The following SORT1 variants were observed in gnomAD, a reference collection of about 807,000 sequenced individuals.
SORT1 encodes sortilin.
In SORT1, 39 loss-of-function variants were observed where a neutral mutation model predicts 101.7. That is an observed-to-expected ratio of 0.38 (90% CI 0.30 to 0.50). The LOEUF is 0.50. SORT1 is among the 20% of genes least tolerant of loss of function. SORT1 has a pLI of 0.90. For missense variants in SORT1, 878 were observed against 1,040.4 expected (o/e 0.84, Z 2.15); for synonymous variants, 396 against 393.7 (o/e 1.01, Z -0.07).
rs1029497046 is a variant in SORT1, at chr1:109,313,693, A to AT, written c.*349_*350insA. On this transcript the variant is annotated 3_prime_UTR_variant, in exon 20 of 20. Coordinates refer to ENST00000256637, the MANE Select transcript of SORT1 (RefSeq NM_002959.7). ...ATGCCCTGGGGCAGGCGCCATGCAGAACACACAGAAGTGGGGTTAGTGAAA... is the reference window on the plus strand; with the variant it reads ...ATGCCCTGGGGCAGGCGCCATGCAGATACACACAGAAGTGGGGTTAGTGAAA... 10 of 308,228 alleles carry AT rather than the reference A, an allele frequency of 3.2e-5. No individual in the cohort carries two copies. The highest frequency in any genetic ancestry group is 2.0e-4 in the African/African-American group (9 of 45,644). 19.1% of individuals were successfully genotyped at this position (308,228 alleles called of 1,614,324 possible).
chr1:109,381,087 G>A (rs1652199433), intron 1 of SORT1, among the ~76,000 whole-genome samples: 3 of 152,130 alleles, frequency 2.0e-5, no homozygotes, highest in African/African-American at 2.4e-5. Context: ...CAACTTTTCT[G>A]GAGAGCTATT....
chr1:109,355,176 G>A (rs1650225890), intron 4 of SORT1, among the ~76,000 whole-genome samples, 191 bp downstream of exon 4: 1 of 152,134 alleles, frequency 6.6e-6, no homozygotes, highest in Admixed American at 6.5e-5. Flanking sequence ...AGCCGTGACG[G>A]TATCACTGCA....
At chr1:109,326,040 A>G (rs1344590276) in intron 13 of SORT1, among the ~76,000 whole-genome samples, 5 of 151,364 alleles carry the variant, frequency 3.3e-5, no homozygotes, top group Non-Finnish European at 5.9e-5. Flanking sequence ...ATTATTTTAT[A>G]AGAACTTATA....
At chr1:109,379,166 G>A (rs868091109) in intron 1 of SORT1, among the ~76,000 whole-genome samples, 3 of 151,684 alleles carry the variant, frequency 2.0e-5, no homozygotes, top group Non-Finnish European at 4.4e-5. Context: ...AAAAATAGCT[G>A]TGTTGCTCTA....
At chr1:109,361,265 T>C (rs1650704074) in intron 3 of SORT1, among the ~76,000 whole-genome samples, 1 of 152,242 alleles carries the variant, frequency 6.6e-6, no homozygotes, top group Admixed American at 6.5e-5. Flanking sequence ...TTGCAAGTTC[T>C]ACTTTCCACA....
intron 15 of SORT1, among the ~76,000 whole-genome samples, chr1:109,319,194 C>T (rs1647453448): frequency 6.6e-6 from 1 of 152,244 alleles, no homozygotes; most frequent in Non-Finnish European, 1.5e-5. Flanking sequence ...TCTTTGCCTT[C>T]CATGTGAACA....
At chr1:109,383,976 T>A (rs1205998610) in intron 1 of SORT1, among the ~76,000 whole-genome samples, 4 of 152,216 alleles carry the variant, frequency 2.6e-5, no homozygotes, top group Non-Finnish European at 5.9e-5. Context: ...CAGCACAACC[T>A]GACATCATTA....
chr1:109,342,127 T>C lies in SORT1; in HGVS notation c.995A>G (p.Asp332Gly), dbSNP rs1416767380. The C allele has an allele frequency of 6.2e-7, 1 of 1,612,792 alleles. No homozygotes were observed. Among genetic ancestry groups the C allele is most frequent in the Admixed American group, 1.7e-5 (1 of 60,014 alleles). Residue 332 changes from aspartate (D) to glycine (G), a missense_variant, in exon 9 of 20, where the codon GAT (aspartate) becomes GGT (glycine). Around this residue, in one of 2 missense-constraint regions of SORT1, gnomAD observed 684 missense variants for 894.5 expected, o/e 0.76. Transcript: ENST00000256637. ...GGCCATGCTCCATGTGTCCCCTTGA[T>C]CTGTTGAAACGTGGATCCTTCTTGT... ...DTTRRIHVST[D>G]QGDTWSMAQL... is the part of the protein sequence containing the mutation.
chr1:109,314,888 G>GA (rs1173290574), intron 17 of SORT1, 110 bp from the exon 18 acceptor site: 10 of 613,564 alleles, frequency 1.6e-5, no homozygotes, highest in Non-Finnish European at 3.0e-5. Context: ...CTGCAGTCCT[G>GA]ATGCGCTTAA....
chr1:109,324,312 A>G (rs1018705210), intron 14 of SORT1, among the ~76,000 whole-genome samples: 1 of 151,838 alleles, frequency 6.6e-6, no homozygotes, highest in Non-Finnish European at 1.5e-5. Context: ...TAATTTTTCT[A>G]TTTTTAGTAG....
intron 1 of SORT1, among the ~76,000 whole-genome samples, chr1:109,374,182 T>C (rs1470706254): frequency 2.0e-5 from 3 of 152,120 alleles, no homozygotes; most frequent in Admixed American, 6.5e-5. Context: ...AATAACAAGA[T>C]AATTAGTAGA....
chr1:109,330,623 C>T (rs1419678091), intron 11 of SORT1, among the ~76,000 whole-genome samples: 1 of 151,676 alleles, frequency 6.6e-6, no homozygotes, highest in Non-Finnish European at 1.5e-5. Context: ...GAAATAATAA[C>T]AGAGCAGAAA....
At chr1:109,343,422 C>A (rs1649363130) in intron 8 of SORT1, among the ~76,000 whole-genome samples, 1 of 152,170 alleles carries the variant, frequency 6.6e-6, no homozygotes, top group African/African-American at 2.4e-5. Flanking sequence ...GGATCCCTCC[C>A]TCTCAGTCTT....
In SORT1 at chr1:109,395,130, CT is replaced by C. The variant is rs1011636329; in HGVS notation, c.306+2456del. Among the ~76,000 whole-genome samples the C allele has an allele frequency of 3.0e-3, 380 of 127,826 alleles. 1 individual carries two copies. The highest frequency in any genetic ancestry group is 7.2e-3 in the African/African-American group (248 of 34,460). The allele number at this position is 127,826 out of a possible 152,430, so 83.9% of individuals were successfully genotyped here. On this transcript the variant is annotated intron_variant, in intron 1 of 19. Transcript: ENST00000256637. ...TAAATGATATTAAACAAAGGCTCCA[CT>C]TTTTTTTTTTTTAACCAGATACAGA... is the stretch of plus-strand genomic sequence containing the variant.
At chr1:109,333,896 C>A (rs112575976) in intron 11 of SORT1, among the ~76,000 whole-genome samples, 2,787 of 152,260 alleles carry the variant, frequency 0.018, 90 homozygotes, top group African/African-American at 0.064. Context: ...CCTGCAATCC[C>A]AGTACTTTGG....
At chr1:109,330,607 A>AG (rs1648397812) in intron 11 of SORT1, among the ~76,000 whole-genome samples, 1 of 152,202 alleles carries the variant, frequency 6.6e-6, no homozygotes, top group Non-Finnish European at 1.5e-5. Context: ...AGTTAGCAGA[A>AG]GGGAGGAAAT....
intron 1 of SORT1, among the ~76,000 whole-genome samples, chr1:109,377,665 A>G (rs1268031950): frequency 6.6e-6 from 1 of 152,264 alleles, no homozygotes; most frequent in African/African-American, 2.4e-5. Flanking sequence ...GGCACTGAGC[A>G]GGGGTAGTCT....
chr1:109,377,315 A>G (rs1570975825), intron 1 of SORT1, among the ~76,000 whole-genome samples: 1 of 152,144 alleles, frequency 6.6e-6, no homozygotes, highest in Non-Finnish European at 1.5e-5. Flanking sequence ...TGCTCCACAA[A>G]CATCTCTGTA....
At chr1:109,345,973 A>G (rs1165908218) in intron 7 of SORT1, 92 bp from the exon 8 acceptor site, 2 of 1,072,150 alleles carry the variant, frequency 1.9e-6, no homozygotes, top group African/African-American at 3.2e-5. Flanking sequence ...TTTTATAGCT[A>G]AAGCATTTTA....
Sources: gnomAD v4.1 joint callset for allele counts (sites outside exome capture counted in the v4.1 genomes callset) on GRCh38, gnomAD v4.1.1 for gene constraint, gnomAD v4.1.1 regional missense constraint, MANE v1.5 for transcripts, NCBI Gene and HGNC (gene_info 2026-07-23, HGNC 2026-07-21) for gene names.